Variants in ROBO2 observed in about 807,000 individuals in gnomAD.
The protein encoded by ROBO2 is roundabout homolog 2.
Under a neutral mutation model 160.8 loss-of-function variants are expected in ROBO2, and 53 were observed. The observed-to-expected ratio is 0.33, with a 90% CI of 0.26 to 0.41. ROBO2 has a LOEUF of 0.41. Ranked by LOEUF, ROBO2 falls within the 10% of genes least tolerant of loss-of-function variation. The probability of loss-of-function intolerance (pLI) is 1.00; values close to 1 mark genes in which losing one functional copy is unlikely to be tolerated. For synonymous variants in ROBO2, 664 were observed against 611.7 expected (o/e 1.09, Z -1.26); for missense variants, 1,577 against 1,722.4 (o/e 0.92, Z 1.49).
chr3:76,135,691 A>G (rs1358545337), intron 2 of ROBO2, among the ~76,000 whole-genome samples: 2 of 152,254 alleles, frequency 1.3e-5, no homozygotes, highest in East Asian at 1.9e-4. Context: ...GAAAGTTAAC[A>G]TCTTGTCAGT....
chr3:77,555,482 GA>G (rs2093080369), intron 8 of ROBO2, among the ~76,000 whole-genome samples: 1 of 151,958 alleles, frequency 6.6e-6, no homozygotes, highest in Non-Finnish European at 1.5e-5. Context: ...ACTGATCATA[GA>G]TTAAGCTAAT....
chr3:77,513,716 T>C lies in ROBO2; in HGVS notation c.807-9059T>C, dbSNP rs181425062. Among the ~76,000 whole-genome samples, 9 of 151,900 alleles carry C rather than the reference T, an allele frequency of 5.9e-5. No homozygotes were observed. The East Asian group carries it at 1.4e-3, about 23-fold the overall frequency. Reference sequence around the variant, plus strand: ...CAATTCAGTTTTCGTTTTCTTTTTTTCTTCCTTGAGAAAAAAACCCTGCAA... The same window carrying C: ...CAATTCAGTTTTCGTTTTCTTTTTTCCTTCCTTGAGAAAAAAACCCTGCAA... On this transcript the variant is annotated intron_variant, in intron 5 of 25. Coordinates refer to ENST00000461745, the Ensembl canonical transcript of ROBO2.
At chr3:76,239,219 A>G (rs575257079) in intron 2 of ROBO2, among the ~76,000 whole-genome samples, 7 of 152,266 alleles carry the variant, frequency 4.6e-5, no homozygotes, top group Admixed American at 4.6e-4. Flanking sequence ...GCAACAATAA[A>G]TACTGCAGTA....
chr3:76,438,410 TCA>T (rs35326545), intron 2 of ROBO2, among the ~76,000 whole-genome samples: 22,474 of 145,802 alleles, frequency 0.15, 2,529 homozygotes, highest in African/African-American at 0.32. Context: ...TGTAATCAGT[TCA>T]CACACACACA....
At chr3:77,281,783 C>T (rs1385387870) in intron 2 of ROBO2, among the ~76,000 whole-genome samples, 1 of 152,100 alleles carries the variant, frequency 6.6e-6, no homozygotes, top group African/African-American at 2.4e-5. Flanking sequence ...AACTGTTTCA[C>T]CTCGGTCATC....
At chr3:77,248,185 C>T (rs1325450727) in intron 2 of ROBO2, among the ~76,000 whole-genome samples, 2 of 152,140 alleles carry the variant, frequency 1.3e-5, no homozygotes, top group East Asian at 1.9e-4. Flanking sequence ...GGAAGATCAC[C>T]TTCTTGCTCC....
chr3:77,628,723 CA>C (rs1350135322), intron 23 of ROBO2, among the ~76,000 whole-genome samples: 1 of 152,144 alleles, frequency 6.6e-6, no homozygotes, highest in Non-Finnish European at 1.5e-5. Context: ...GACAGAGAGG[CA>C]GAGAGACAAA....
At chr3:76,814,565 C>G (rs1049266156) in intron 2 of ROBO2, among the ~76,000 whole-genome samples, 1 of 150,720 alleles carries the variant, frequency 6.6e-6, no homozygotes, top group African/African-American at 2.4e-5. Context: ...TTAAATTAGT[C>G]GAAACCATAC....
At chr3:76,212,813 T>C (rs188021776) in intron 2 of ROBO2, among the ~76,000 whole-genome samples, 8 of 150,448 alleles carry the variant, frequency 5.3e-5, no homozygotes, top group Non-Finnish European at 1.2e-4. Flanking sequence ...AAGGTTCACA[T>C]GTGAGATACC....
At chr3:76,125,750 A>C (rs1418126024) in intron 2 of ROBO2, among the ~76,000 whole-genome samples, 1 of 152,004 alleles carries the variant, frequency 6.6e-6, no homozygotes, top group Non-Finnish European at 1.5e-5. Flanking sequence ...TCTCCCTCAT[A>C]AGCTTAGGTG....
Position 77,456,098 on chromosome 3 carries a change from C to T in ROBO2, c.389-21316C>T, listed in dbSNP as rs1307580470. On this transcript the variant is annotated intron_variant, in intron 2 of 25. Coordinates refer to ENST00000461745, the Ensembl canonical transcript of ROBO2. ...TGAATTCTTAGCATCCTATTTAATA[C>T]TGTAGTATGAAAATATGCCATAATA... Among the ~76,000 whole-genome samples the T allele has an allele frequency of 2.0e-5, 3 of 152,270 alleles. No individual in the cohort carries two copies. The East Asian group carries it at 5.8e-4, about 29-fold the overall frequency.
chr3:76,137,612 CT>C (rs1370595808), intron 2 of ROBO2, among the ~76,000 whole-genome samples: 359 of 144,722 alleles, frequency 2.5e-3, no homozygotes, highest in East Asian at 5.2e-3. Flanking sequence ...ATCAACTGCA[CT>C]TTTTTTTTTT....
At chr3:76,672,951 T>G (rs2092308306) in intron 2 of ROBO2, among the ~76,000 whole-genome samples, 1 of 151,928 alleles carries the variant, frequency 6.6e-6, no homozygotes, top group Non-Finnish European at 1.5e-5. Flanking sequence ...TGTGAGAATT[T>G]TAACCATTAT....
intron 1 of ROBO2, among the ~76,000 whole-genome samples, chr3:77,096,068 T>A (rs1389016218): frequency 6.6e-6 from 1 of 152,162 alleles, no homozygotes; most frequent in Admixed American, 6.5e-5. Flanking sequence ...TAAAGTTCAT[T>A]TAAGACTAAA....
intron 6 of ROBO2, among the ~76,000 whole-genome samples, chr3:77,536,860 T>C (rs2092140806): frequency 6.6e-6 from 1 of 152,198 alleles, no homozygotes; most frequent in Admixed American, 6.5e-5. Flanking sequence ...AAAATGGCTA[T>C]GTGCTTATAG....
Position 76,926,128 on chromosome 3 carries a change from T to C in ROBO2, c.110-171886T>C, listed in dbSNP as rs137939056. 2.0e-4 allele frequency among the ~76,000 whole-genome samples: 31 copies of C among 152,354 alleles called. 1 individual carries two copies. The highest frequency in any genetic ancestry group is 7.5e-4 in the African/African-American group (31 of 41,596). On this transcript the variant is annotated intron_variant, in intron 2 of 26. Coordinates refer to the ROBO2 transcript ENST00000487694. ...AACTTCTTTGCCCTCCTCAGAGTCC[T>C]AAAGTTGCTGACTTGCAGAAGCCTC...
At chr3:76,565,331 G>C (rs2084446113) in intron 2 of ROBO2, among the ~76,000 whole-genome samples, 3 of 152,122 alleles carry the variant, frequency 2.0e-5, no homozygotes, top group Admixed American at 2.0e-4. Flanking sequence ...ATAGCATAAT[G>C]TGAAAATATT....
chr3:76,770,553 C>T (rs886282567), intron 2 of ROBO2, among the ~76,000 whole-genome samples: 9 of 151,220 alleles, frequency 6.0e-5, no homozygotes, highest in African/African-American at 2.2e-4. Context: ...TTTGACTTCC[C>T]CCACATCCCT....
intron 1 of ROBO2, among the ~76,000 whole-genome samples, chr3:77,076,012 C>G (rs1391547674): frequency 6.6e-6 from 1 of 151,440 alleles, no homozygotes; most frequent in African/African-American, 2.4e-5. Flanking sequence ...TTATGGCATC[C>G]TAATGGGACT....
Sources: allele counts gnomAD v4.1 joint callset (sites outside exome capture counted in the v4.1 genomes callset), GRCh38; gene constraint gnomAD v4.1.1; transcripts MANE v1.5; gene names NCBI Gene and HGNC (gene_info 2026-07-23, HGNC 2026-07-21).